CNGB1: variants seen among roughly 807,000 people sequenced by gnomAD.
The protein encoded by CNGB1 is cyclic nucleotide-gated channel beta-1.
Under a neutral mutation model 151.7 loss-of-function variants are expected in CNGB1, and 126 were observed. The observed-to-expected ratio is 0.83, with a 90% confidence interval of 0.72 to 0.96. The LOEUF is 0.96. CNGB1 is among the 40% of genes least tolerant of loss of function. CNGB1 has a pLI of 0.00. For missense variants in CNGB1, 1,698 were observed against 1,627.0 expected (o/e 1.04, Z -0.75); for synonymous variants, 623 against 635.1 (o/e 0.98, Z 0.29).
intron 25 of CNGB1, among the ~76,000 whole-genome samples, chr16:57,911,240 C>CA (rs1393736159): frequency 1.3e-5 from 2 of 152,198 alleles, no homozygotes; most frequent in Non-Finnish European, 2.9e-5. Flanking sequence ...CTGGCACATG[C>CA]AGGTGCTCAG....
intron 11 of CNGB1, among the ~76,000 whole-genome samples, chr16:57,957,800 A>T (rs1962128776): frequency 6.6e-6 from 1 of 152,202 alleles, no homozygotes; most frequent in South Asian, 2.1e-4. Context: ...ACAACTGACC[A>T]TTGGTCAGCT....
At chr16:57,950,997 C>T (rs182173520) in intron 12 of CNGB1, among the ~76,000 whole-genome samples, 1 of 152,182 alleles carries the variant, frequency 6.6e-6, no homozygotes, top group Non-Finnish European at 1.5e-5. Flanking sequence ...GTAGATGCCA[C>T]CCCCGGGTGA....
rs572680576 is a variant in CNGB1 at position 57,921,721 on chromosome 16, C to G, written c.1644-1177G>C. Among the ~76,000 whole-genome samples the G allele has an allele frequency of 2.0e-5, 3 of 152,178 alleles. No homozygotes were observed. The East Asian group carries it at 5.8e-4, about 29-fold the overall frequency. On this transcript the variant is annotated intron_variant, in intron 18 of 32. Transcript: ENST00000251102. ...TAGGGGCCTCCTTACTGAAGACAGG[C>G]CTGGAGTTCTCCCTTTCTAGTGGTG...
chr16:57,897,878 C>T lies in CNGB1; in HGVS notation c.3013G>A (p.Gly1005Arg). 4 of 1,614,228 alleles carry T rather than the reference C, an allele frequency of 2.5e-6. No individual in the cohort carries two copies. The highest frequency in any genetic ancestry group is 3.4e-6 in the Non-Finnish European group (4 of 1,180,028). The change falls in exon 30 of 33, where the codon GGG (glycine) becomes AGG (arginine). Residue 1005 changes from glycine to arginine, a missense_variant. Coordinates refer to ENST00000251102, the MANE Select transcript of CNGB1 (RefSeq NM_001297.5). Reference protein sequence around the residue: ...IGREMYIIQAGQVQVLGGPDG... With the variant: ...IGREMYIIQARQVQVLGGPDG... ...GGGCCGCCCAAGACCTGCACTTGCC[C>T]TGCCTGGATGATGTACATCTCACGG...
At chr16:57,931,067 A>C (rs182476974) in intron 17 of CNGB1, among the ~76,000 whole-genome samples, 2 of 152,192 alleles carry the variant, frequency 1.3e-5, no homozygotes, top group Admixed American at 1.3e-4. Flanking sequence ...TCCTATCAAA[A>C]ATGAAATAAA....
At chr16:57,929,772 T>C (rs777038804) in intron 17 of CNGB1, among the ~76,000 whole-genome samples, 1 of 152,152 alleles carries the variant, frequency 6.6e-6, no homozygotes, top group Non-Finnish European at 1.5e-5. Context: ...CCATGATCCA[T>C]TCACCTCCCA....
At position 57,960,764 on chromosome 16, in the gene CNGB1, G is replaced by C. The variant is rs574953816; in HGVS notation, c.534+76C>G. ...TGGGGTGGGTGGGGACAGCCTGCTG[G>C]AGGAGGCAGTCCCTCCTGGGGCCCC... On this transcript the variant is annotated intron_variant, in intron 8 of 32. Coordinates refer to ENST00000251102, the MANE Select transcript of CNGB1 (RefSeq NM_001297.5). 6,162 of 1,452,830 alleles carry C rather than the reference G, an allele frequency of 4.2e-3. 16 individuals carry two copies. The highest frequency in any genetic ancestry group is 5.0e-3 in the Non-Finnish European group (5,274 of 1,048,834). 90.0% of individuals were successfully genotyped at this position (1,452,830 alleles called of 1,614,324 possible). A position where few individuals can be genotyped will look rare whatever the true frequency, so the allele number is the denominator to read the frequency against.
At chr16:57,970,302 C>T (rs1301481717) in intron 1 of CNGB1, among the ~76,000 whole-genome samples, 1 of 152,194 alleles carries the variant, frequency 6.6e-6, no homozygotes, top group Non-Finnish European at 1.5e-5. Context: ...CAGGCAGCCC[C>T]GAGAGCCAGG....
intron 14 of CNGB1, among the ~76,000 whole-genome samples, chr16:57,940,744 T>G (rs1961647354): frequency 6.6e-6 from 1 of 152,060 alleles, no homozygotes; most frequent in Non-Finnish European, 1.5e-5. Flanking sequence ...GGGTAGAGCA[T>G]GACAAAAGTG....
chr16:57,929,947 G>A (rs2149371091), intron 17 of CNGB1, among the ~76,000 whole-genome samples: 1 of 152,022 alleles, frequency 6.6e-6, no homozygotes, highest in Admixed American at 6.6e-5. Flanking sequence ...AAATAAATAA[G>A]ACAGAAAATA....
At chr16:57,961,062 A>T in intron 7 of CNGB1, 147 bp from the exon 8 acceptor site, 1 of 746,980 alleles carries the variant, frequency 1.3e-6, no homozygotes, top group Non-Finnish European at 2.3e-6. Flanking sequence ...AAACTCTCAA[A>T]GGGCCCCAAG....
chr16:57,932,740 C>T (rs1455363197), intron 16 of CNGB1, among the ~76,000 whole-genome samples: 1 of 152,010 alleles, frequency 6.6e-6, no homozygotes, highest in African/African-American at 2.4e-5. Flanking sequence ...GCCACCACGC[C>T]CGGCTAATTT....
chr16:57,893,430 T>A (rs1960146556), intron 31 of CNGB1, among the ~76,000 whole-genome samples: 1 of 151,956 alleles, frequency 6.6e-6, no homozygotes, highest in South Asian at 2.1e-4. Flanking sequence ...CCTGAAGTGA[T>A]CCTTATTAAC....
At chr16:57,928,310 G>A (rs1391548217) in intron 17 of CNGB1, among the ~76,000 whole-genome samples, 2 of 152,344 alleles carry the variant, frequency 1.3e-5, no homozygotes, top group South Asian at 2.1e-4. Flanking sequence ...GGCAGAGAGC[G>A]GAAGACCAAA....
At chr16:57,891,489 G>A (rs1280565676) in intron 31 of CNGB1, among the ~76,000 whole-genome samples, 1 of 152,142 alleles carries the variant, frequency 6.6e-6, no homozygotes, top group Non-Finnish European at 1.5e-5. Flanking sequence ...CTGGGTGAAA[G>A]AGCACGACCC....
intron 14 of CNGB1, among the ~76,000 whole-genome samples, chr16:57,944,233 T>C (rs1272546748): frequency 6.6e-6 from 1 of 152,192 alleles, no homozygotes; most frequent in African/African-American, 2.4e-5. Context: ...GGAAATTTTG[T>C]CATTTGTGAA....
At chr16:57,943,936 G>C (rs566637083) in intron 14 of CNGB1, among the ~76,000 whole-genome samples, 9 of 151,896 alleles carry the variant, frequency 5.9e-5, no homozygotes, top group Middle Eastern at 3.4e-3. Flanking sequence ...TGCCCAGGCT[G>C]GAGTGCAATG....
At position 57,939,523 on chromosome 16, in the gene CNGB1, C is replaced by T. The variant is rs1239895476; in HGVS notation, c.1279G>A (p.Glu427Lys). The T allele has an allele frequency of 1.2e-6, 2 of 1,613,982 alleles. No homozygotes were observed. Among genetic ancestry groups the T allele is most frequent in the African/African-American group, 1.3e-5 (1 of 74,926 alleles). The change falls in exon 16 of 33, where the codon GAG (glutamate) becomes AAG (lysine). Residue 427 changes from glutamate to lysine, a missense_variant. Physicochemically the swap from Glu to Lys is moderately conservative, Grantham distance 56. Coordinates refer to ENST00000251102, the MANE Select transcript of CNGB1 (RefSeq NM_001297.5). ...TTTTCAGCCTCCTCTTCAGCCACCT[C>T]CTCGGCCTCCTCCTTGGCCTTCTCT... ...AEEKAKEEAEEVAEEEAEKEP... is the reference protein window; with the variant it reads ...AEEKAKEEAEKVAEEEAEKEP...
At chr16:57,946,751 A>G (rs148966989) in intron 14 of CNGB1, 1,722 of 152,400 alleles carry the variant, frequency 0.011, 42 homozygotes, top group South Asian at 0.1. Context: ...TTCCCCAGCC[A>G]TTGACAGCCC....
Sources: allele counts gnomAD v4.1 joint callset (sites outside exome capture counted in the v4.1 genomes callset), GRCh38; gene constraint gnomAD v4.1.1; transcripts MANE v1.5; gene names NCBI Gene and HGNC (gene_info 2026-07-23, HGNC 2026-07-21).